CACHD1: variants seen among roughly 807,000 people sequenced by gnomAD.
CACHD1 encodes VWFA and cache domain-containing protein 1.
A neutral mutation model predicts 138.7 loss-of-function variants in CACHD1; 71 were observed. That is an observed-to-expected ratio of 0.51 (90% CI 0.42 to 0.62). CACHD1 has a LOEUF of 0.62. Among genes scored for constraint, CACHD1 ranks in the 20% least tolerant of loss-of-function variants. The pLI is 0.00. For missense variants in CACHD1, 1,389 were observed against 1,625.3 expected (o/e 0.85, Z 2.50); for synonymous variants, 578 against 591.5 (o/e 0.98, Z 0.33).
intron 7 of CACHD1, 143 bp downstream of exon 7, chr1:64,634,403 T>A: frequency 2.8e-6 from 1 of 358,560 alleles, no homozygotes; most frequent in Non-Finnish European, 4.6e-6. Flanking sequence ...TTTATTTACC[T>A]TGAGACAGAG....
At chr1:64,557,173 T>G (rs902887338) in intron 2 of CACHD1, among the ~76,000 whole-genome samples, 6 of 150,770 alleles carry the variant, frequency 4.0e-5, no homozygotes, top group African/African-American at 9.8e-5. Flanking sequence ...TTATATAAAG[T>G]TGAACTTGAA....
intron 1 of CACHD1, among the ~76,000 whole-genome samples, chr1:64,498,332 C>T (rs1282748937): frequency 6.6e-6 from 1 of 152,196 alleles, no homozygotes; most frequent in Non-Finnish European, 1.5e-5. Flanking sequence ...ACTACTTATT[C>T]TCTTTATTTT....
At chr1:64,543,049 C>T (rs1297956018) in intron 1 of CACHD1, among the ~76,000 whole-genome samples, 1 of 151,842 alleles carries the variant, frequency 6.6e-6, no homozygotes, top group Non-Finnish European at 1.5e-5. Context: ...TTAAATGCTG[C>T]TTTACACATA....
In CACHD1 at chr1:64,532,037, G is replaced by T. The variant is rs902181320; in HGVS notation, c.199-18557G>T. On this transcript the variant is annotated intron_variant, in intron 1 of 26. Transcript: ENST00000651257. The stretch of plus-strand genomic sequence containing the variant: ...GGACTAGATATGTAAACAAATGATT[G>T]CAATGCCTTTTGTAAAGTGTTAGAA... Among the ~76,000 whole-genome samples the T allele has an allele frequency of 7.9e-5, 12 of 152,192 alleles. No individual in the cohort carries two copies. The East Asian group carries it at 2.3e-3, about 29-fold the overall frequency.
Position 64,629,487 on chromosome 1 carries a change from T to G in CACHD1, c.644+6T>G, listed in dbSNP as rs1366985476. ...AGCTACGAACACCGCAGTAGGTATG[T>G]TGACTTGCATGCTAAAGTTTTTAAT... On this transcript the variant is annotated splice_donor_region_variant and intron_variant, in intron 5 of 26. Coordinates refer to ENST00000651257, the MANE Select transcript of CACHD1 (RefSeq NM_020925.4). 1.2e-6 allele frequency: 2 copies of G among 1,611,630 alleles called. No homozygotes were observed. The highest frequency in any genetic ancestry group is 1.7e-6 in the Non-Finnish European group (2 of 1,179,208).
intron 1 of CACHD1, among the ~76,000 whole-genome samples, chr1:64,494,719 C>T (rs1646296650): frequency 6.6e-6 from 1 of 152,126 alleles, no homozygotes. Context: ...CTAAGAACCA[C>T]GTTTTATTGG....
At chr1:64,684,363 C>CTT (rs397980387) in intron 26 of CACHD1, among the ~76,000 whole-genome samples, 2,403 of 54,916 alleles carry the variant, frequency 0.044, 103 homozygotes, top group East Asian at 0.24. Context: ...TCTTCTTCTT[C>CTT]TTTTTTTTTT....
At chr1:64,552,287 C>T (rs1050441653) in intron 2 of CACHD1, among the ~76,000 whole-genome samples, 4 of 152,054 alleles carry the variant, frequency 2.6e-5, no homozygotes, top group African/African-American at 9.7e-5. Flanking sequence ...TAGGCAACTT[C>T]CATGTATATC....
chr1:64,632,742 A>G lies in CACHD1; in HGVS notation c.788A>G (p.Lys263Arg). The G allele has an allele frequency of 6.2e-7, 1 of 1,614,156 alleles. No homozygotes were observed. The highest frequency in any genetic ancestry group is 8.5e-7 in the Non-Finnish European group (1 of 1,179,990). The change falls in exon 6 of 27, where the codon AAG becomes AGG. Residue 263 changes from lysine to arginine, a missense_variant and splice_region_variant. Around this residue, in one of 5 missense-constraint regions of CACHD1, gnomAD observed 1,000 missense variants for 1,114.7 expected, o/e 0.90. Transcript: ENST00000651257. ...CTCAGCGCCATCGATGAACATGACA[A>G]GGTGACCATGACCCTTGTGACCCCT... is the stretch of plus-strand genomic sequence containing the variant. The part of the protein sequence containing the change: ...VILSAIDEHD[K>R]ISVLTVADTV...
intron 1 of CACHD1, among the ~76,000 whole-genome samples, chr1:64,518,378 T>A (rs1030437991): frequency 6.6e-6 from 1 of 152,214 alleles, no homozygotes; most frequent in African/African-American, 2.4e-5. Context: ...GGTGGTTTGC[T>A]GCACCTATCA....
intron 2 of CACHD1, among the ~76,000 whole-genome samples, chr1:64,576,464 C>T (rs940515622): frequency 2.0e-5 from 3 of 149,512 alleles, no homozygotes; most frequent in Non-Finnish European, 4.4e-5. Context: ...GTTTGGTTGG[C>T]GTGCTAACAG....
At chr1:64,577,448 A>G (rs914221568) in intron 2 of CACHD1, among the ~76,000 whole-genome samples, 2 of 152,206 alleles carry the variant, frequency 1.3e-5, no homozygotes, top group African/African-American at 4.8e-5. Context: ...TTGAAAAGAA[A>G]TGTGGGGAGA....
chr1:64,610,612 A>T (rs1477930634), intron 4 of CACHD1, among the ~76,000 whole-genome samples: 3 of 152,212 alleles, frequency 2.0e-5, no homozygotes, highest in East Asian at 3.9e-4. Context: ...GATACAAGAG[A>T]TGAGCTCCCA....
intron 2 of CACHD1, among the ~76,000 whole-genome samples, chr1:64,555,224 A>G (rs1399180466): frequency 1.3e-5 from 2 of 152,000 alleles, no homozygotes; most frequent in African/African-American, 4.8e-5. Flanking sequence ...CCTGAGCTCA[A>G]GCAATCCACC....
intron 2 of CACHD1, among the ~76,000 whole-genome samples, chr1:64,578,375 A>T (rs1231882674): frequency 3.3e-5 from 5 of 152,224 alleles, no homozygotes; most frequent in African/African-American, 1.2e-4. Context: ...TACAATCTTG[A>T]TAATTTTGAT....
At chr1:64,539,060 C>T (rs1289500878) in intron 1 of CACHD1, among the ~76,000 whole-genome samples, 1 of 152,148 alleles carries the variant, frequency 6.6e-6, no homozygotes, top group Admixed American at 6.5e-5. Flanking sequence ...ACATGGGAAA[C>T]TCAACGTCAG....
intron 13 of CACHD1, among the ~76,000 whole-genome samples, chr1:64,662,318 T>G (rs1214739232): frequency 6.6e-6 from 1 of 152,182 alleles, no homozygotes; most frequent in Admixed American, 6.5e-5. Flanking sequence ...CTTCAAGCAT[T>G]AGCCTTTGAA....
At chr1:64,661,458 G>C (rs960340488) in intron 13 of CACHD1, among the ~76,000 whole-genome samples, 2 of 152,134 alleles carry the variant, frequency 1.3e-5, no homozygotes, top group Non-Finnish European at 2.9e-5. Flanking sequence ...GCCAGTCTCT[G>C]TCACTACAAA....
rs1488808309 is a variant in CACHD1, at chr1:64,691,762, G to C, written c.*201G>C. 2 of 587,192 alleles carry C rather than the reference G, an allele frequency of 3.4e-6. No individual in the cohort carries two copies. The highest frequency in any genetic ancestry group is 3.7e-5 in the African/African-American group (2 of 53,602). The allele number at this position is 587,192 out of a possible 1,614,324, so 36.4% of individuals were successfully genotyped here. A position where few individuals can be genotyped will look rare whatever the true frequency, so the allele number is the denominator to read the frequency against. On this transcript the variant is annotated 3_prime_UTR_variant, in exon 27 of 27. Transcript: ENST00000651257. ...ACAGTCACATTTGTGAAGATGTGAGGCTGGTTCTGAAATGGAGGGGAAATA... is the reference window on the plus strand; with the variant it reads ...ACAGTCACATTTGTGAAGATGTGAGCCTGGTTCTGAAATGGAGGGGAAATA...
Sources: allele counts gnomAD v4.1 joint callset (sites outside exome capture counted in the v4.1 genomes callset), GRCh38; gene constraint gnomAD v4.1.1; regional missense constraint gnomAD v4.1.1; transcripts MANE v1.5; gene names NCBI Gene and HGNC (gene_info 2026-07-23, HGNC 2026-07-21).